The following SUPT16H variants were observed in gnomAD, a reference collection of about 807,000 sequenced individuals.
SUPT16H encodes the protein FACT complex subunit SPT16.
SUPT16H carries 24 observed loss-of-function variants against 136.2 expected under a neutral mutation model. The observed-to-expected ratio is 0.18, with a 90% CI of 0.13 to 0.25. The LOEUF (loss-of-function observed/expected upper bound fraction) is 0.25, where lower values mean the gene tolerates loss of function less well. Among genes scored for constraint, SUPT16H ranks in the 10% least tolerant of loss-of-function variants. The probability of loss-of-function intolerance (pLI) is 1.00; values close to 1 mark genes in which losing one functional copy is unlikely to be tolerated. For missense variants in SUPT16H, 623 were observed against 1,270.2 expected (o/e 0.49, Z 7.74); for synonymous variants, 415 against 428.2 (o/e 0.97, Z 0.38).
At chr14:21,354,371 C>G in intron 23 of SUPT16H, 40 bp downstream of exon 23, 1 of 1,608,786 alleles carries the variant, frequency 6.2e-7, no homozygotes. Flanking sequence ...TGATAGCGGG[C>G]AACACTGTGT....
At chr14:21,359,838 C>T (rs1886512946) in intron 18 of SUPT16H, among the ~76,000 whole-genome samples, 1 of 152,108 alleles carries the variant, frequency 6.6e-6, no homozygotes, top group Non-Finnish European at 1.5e-5. Context: ...GGTAACAAAT[C>T]TTATCTAAAG....
At chr14:21,373,957 A>C (rs1456338600) in intron 1 of SUPT16H, among the ~76,000 whole-genome samples, 1 of 152,102 alleles carries the variant, frequency 6.6e-6, no homozygotes, top group Non-Finnish European at 1.5e-5. Flanking sequence ...CGAACTCCTA[A>C]CTTCAGGTGA....
Position 21,373,319 on chromosome 14 carries a change from A to AT in SUPT16H, c.159+18dup, listed in dbSNP as rs750333293. The AT allele has an allele frequency of 1.2e-5, 19 of 1,583,962 alleles. No homozygotes were observed. In the South Asian group the frequency reaches 2.1e-4, roughly 18 times the overall value. On this transcript the variant is annotated intron_variant, in intron 2 of 25. Coordinates refer to ENST00000216297, the MANE Select transcript of SUPT16H (RefSeq NM_007192.4). ...AATCCAACAACTCTAAGAGCTAAAA[A>AT]TTGCTGTAAATCTCTCACCTGTAAG...
intron 1 of SUPT16H, among the ~76,000 whole-genome samples, chr14:21,382,405 T>C (rs1402777759): frequency 6.6e-6 from 1 of 152,206 alleles, no homozygotes; most frequent in African/African-American, 2.4e-5. Context: ...TCAGTTTTAT[T>C]AGGTTTGCCA....
At chr14:21,364,104 T>C (rs1373336823) in intron 10 of SUPT16H, among the ~76,000 whole-genome samples, 5 of 152,204 alleles carry the variant, frequency 3.3e-5, no homozygotes, top group Non-Finnish European at 7.3e-5. Flanking sequence ...TGCCTTCAAT[T>C]TATCTGTAAA....
At position 21,362,839 on chromosome 14, in the gene SUPT16H, C is replaced by T. The variant is rs1490923939; in HGVS notation, c.1620G>A (p.Met540Ile). The T allele has an allele frequency of 1.9e-6, 3 of 1,612,870 alleles. No individual in the cohort carries two copies. Among genetic ancestry groups the T allele is most frequent in the East Asian group, 4.5e-5 (2 of 44,888 alleles). The part of the protein sequence containing the change: ...YIDKKYETVI[M>I]PVFGIATPFH... ...ACGGTGTTGCAATGCCAAACACGGG[C>T]ATTATTACAGTCTCATATTTCTTAT... The change falls in exon 14 of 26, where the codon ATG becomes ATA. Residue 540 changes from methionine to isoleucine, a missense_variant. Transcript: ENST00000216297.
At chr14:21,368,136 C>G (rs1886710082) in intron 7 of SUPT16H, 133 bp downstream of exon 7, 7 of 896,122 alleles carry the variant, frequency 7.8e-6, no homozygotes, top group Non-Finnish European at 1.2e-5. Flanking sequence ...CCAGGCTGGT[C>G]TTGAACTCCT....
chr14:21,359,416 T>A, intron 19 of SUPT16H, 68 bp downstream of exon 19: 2 of 1,578,052 alleles, frequency 1.3e-6, no homozygotes, highest in Non-Finnish European at 1.7e-6. Flanking sequence ...TAAAATACAA[T>A]CCCTGAGCTT....
At chr14:21,361,022 C>T (rs1260682706) in intron 16 of SUPT16H, 50 bp from the exon 17 acceptor site, 1 of 1,609,700 alleles carries the variant, frequency 6.2e-7, no homozygotes, top group Non-Finnish European at 8.5e-7. Context: ...TTACAAGTCT[C>T]CAAAAAATAC....
In SUPT16H at chr14:21,369,103, T is replaced by C. The variant is rs1219729813; in HGVS notation, c.782+101A>G. 5.5e-5 allele frequency: 75 copies of C among 1,369,204 alleles called. No individual in the cohort carries two copies. The East Asian group carries it at 1.8e-3, about 32-fold the overall frequency. The allele number at this position is 1,369,204 out of a possible 1,614,324, so 84.8% of individuals were successfully genotyped here. A position where few individuals can be genotyped will look rare whatever the true frequency, so the allele number is the denominator to read the frequency against. On this transcript the variant is annotated intron_variant, in intron 6 of 25. Transcript: ENST00000216297. ...GGTAACACTATACATTATATACTTG[T>C]AGCCAAATTTCAGTGTACCCCACAA...
At position 21,359,535 on chromosome 14, in the gene SUPT16H, G is replaced by A. The variant is rs1460013837; in HGVS notation, c.2250C>T (p.Asp750=). The A allele has an allele frequency of 6.2e-7, 1 of 1,614,030 alleles. No individual in the cohort carries two copies. The part of the protein sequence containing the change: ...FYTEVGEITT[D]LGKHQHMHDR... ...CATGCATATGCTGATGTTTCCCCAA[G>A]TCCGTGGTTATCTCTCCCACTTCTG... The change falls in exon 19 of 26, where the codon GAC becomes GAT. Residue 750 remains aspartate, a synonymous_variant. Coordinates refer to ENST00000216297, the MANE Select transcript of SUPT16H (RefSeq NM_007192.4).
chr14:21,371,903 G>A lies in SUPT16H; in HGVS notation c.301C>T (p.Pro101Ser), dbSNP rs1594307532. The A allele has an allele frequency of 1.9e-6, 3 of 1,613,974 alleles. No individual in the cohort carries two copies. Among genetic ancestry groups the A allele is most frequent in the Non-Finnish European group, 2.5e-6 (3 of 1,179,980 alleles). ...TCTCGTATTAGCAGTGTGATGGCAG[G>A]GGCTCCATTAGCATTCTCATTGCCC... ...TKGNENANGA[P>S]AITLLIREKN... Residue 101 changes from proline to serine, a missense_variant, in exon 3 of 26, where the codon CCT becomes TCT. Pro to Ser is a moderately conservative substitution (Grantham distance 74, BLOSUM62 -1). Coordinates refer to ENST00000216297, the MANE Select transcript of SUPT16H (RefSeq NM_007192.4).
At position 21,371,882 on chromosome 14, in the gene SUPT16H, G is replaced by A. The variant is rs1330063074; in HGVS notation, c.322C>T (p.Arg108Ter). ...NGAPAITLLI[R>*]EKNESNKSSF... ...TCTTTATTAATCCTGACCTTTTCTC[G>A]TATTAGCAGTGTGATGGCAGGGGCT... The change falls in exon 3 of 26, where the codon CGA (arginine) becomes TGA (stop). Residue 108 changes from arginine to a stop codon, truncating the protein, a stop_gained. Coordinates refer to ENST00000216297, the MANE Select transcript of SUPT16H (RefSeq NM_007192.4). LOFTEE classifies it high-confidence loss of function. 1.2e-6 allele frequency: 2 copies of A among 1,613,610 alleles called. No homozygotes were observed. Among genetic ancestry groups the A allele is most frequent in the African/African-American group, 1.3e-5 (1 of 74,854 alleles).
At chr14:21,359,389 C>A in intron 19 of SUPT16H, 95 bp downstream of exon 19, 1 of 1,533,686 alleles carries the variant, frequency 6.5e-7, no homozygotes. Context: ...AGTCACCACG[C>A]CAGCCCAGTT....
intron 22 of SUPT16H, among the ~76,000 whole-genome samples, chr14:21,355,572 T>C (rs902217460): frequency 6.6e-6 from 1 of 151,580 alleles, no homozygotes; most frequent in African/African-American, 2.4e-5. Context: ...GGCCCTAGCC[T>C]TTCTTCTTCA....
At chr14:21,378,968 C>T (rs1886962865) in intron 1 of SUPT16H, among the ~76,000 whole-genome samples, 1 of 152,118 alleles carries the variant, frequency 6.6e-6, no homozygotes, top group African/African-American at 2.4e-5. Context: ...AATAGTGCAG[C>T]AGCAGAACAA....
rs1203304949 is a variant in SUPT16H at position 21,357,473 on chromosome 14, T to A, written c.2491-107A>T. ...TCACTACATAAAAGATAACTTAAGC[T>A]GTTTTTTGGTTTTTTTTTTGAAAGA... is the stretch of plus-strand genomic sequence containing the variant. On this transcript the variant is annotated intron_variant, in intron 21 of 25. Transcript: ENST00000216297. 3 of 1,239,998 alleles carry A rather than the reference T, an allele frequency of 2.4e-6. No homozygotes were observed. In the Admixed American group the frequency reaches 1.0e-4, roughly 43 times the overall value. 76.8% of individuals were successfully genotyped at this position (1,239,998 alleles called of 1,614,324 possible).
chr14:21,373,475 A>T (rs775863662), intron 1 of SUPT16H, 45 bp from the exon 2 acceptor site: 1 of 1,354,600 alleles, frequency 7.4e-7, no homozygotes, highest in South Asian at 1.2e-5. Flanking sequence ...ACACTAGCAA[A>T]ACAGGAATAC....
intron 22 of SUPT16H, among the ~76,000 whole-genome samples, chr14:21,355,621 A>G (rs928359871): frequency 2.0e-5 from 3 of 152,004 alleles, no homozygotes; most frequent in African/African-American, 7.3e-5. Flanking sequence ...TATTTGATGC[A>G]AAATCTGTAT....
Sources: allele counts gnomAD v4.1 joint callset (sites outside exome capture counted in the v4.1 genomes callset), GRCh38; gene constraint gnomAD v4.1.1; transcripts MANE v1.5; gene names NCBI Gene and HGNC (gene_info 2026-07-23, HGNC 2026-07-21).